COL23A1: variants seen among roughly 807,000 people sequenced by gnomAD.
COL23A1 encodes the protein collagen alpha-1(XXIII) chain.
COL23A1 carries 97 observed loss-of-function variants against 99.3 expected under a neutral mutation model. That is an observed-to-expected ratio of 0.98 (90% CI 0.83 to 1.16). COL23A1 has a LOEUF of 1.16. COL23A1 is among the 50% of genes most tolerant of loss of function. COL23A1 has a pLI of 0.00. For missense variants in COL23A1, 762 were observed against 757.4 expected, an observed-to-expected ratio of 1.01 and a Z score of -0.07; for synonymous variants, 320 against 308.2, an observed-to-expected ratio of 1.04 and a Z score of -0.40.
intron 2 of COL23A1, among the ~76,000 whole-genome samples, chr5:178,550,975 T>C (rs1761966640): frequency 6.6e-6 from 1 of 152,040 alleles, no homozygotes; most frequent in Non-Finnish European, 1.5e-5. Context: ...AGAATCTTCA[T>C]CATCTCCCCA....
At chr5:178,520,747 G>A (rs1371890019) in intron 2 of COL23A1, among the ~76,000 whole-genome samples, 1 of 152,192 alleles carries the variant, frequency 6.6e-6, no homozygotes, top group Non-Finnish European at 1.5e-5. Context: ...TACCATGCTG[G>A]TGAGGATTCA....
intron 2 of COL23A1, among the ~76,000 whole-genome samples, chr5:178,357,936 ATGTATGTGTG>A (rs1761804036): frequency 8.6e-6 from 1 of 116,472 alleles, no homozygotes; most frequent in Admixed American, 9.0e-5. Context: ...GTGTATGTGT[ATGTATGTGTG>A]TGTATGTATA....
At chr5:178,532,322 C>A (rs182493081) in intron 2 of COL23A1, among the ~76,000 whole-genome samples, 22 of 152,260 alleles carry the variant, frequency 1.4e-4, no homozygotes, top group African/African-American at 5.1e-4. Flanking sequence ...TGGCTGAAAA[C>A]CTGGGGATGG....
intron 19 of COL23A1, among the ~76,000 whole-genome samples, chr5:178,248,505 A>C (rs1764837417): frequency 6.6e-6 from 1 of 152,172 alleles, no homozygotes; most frequent in Non-Finnish European, 1.5e-5. Context: ...GGGGCTGTGA[A>C]GCAAAGACCC....
chr5:178,422,235 G>A (rs572232575), intron 2 of COL23A1, among the ~76,000 whole-genome samples: 1 of 152,282 alleles, frequency 6.6e-6, no homozygotes, highest in Admixed American at 6.5e-5. Flanking sequence ...GGAACATGCT[G>A]TCTGAAGGGA....
At chr5:178,410,452 C>T (rs1382119248) in intron 2 of COL23A1, among the ~76,000 whole-genome samples, 9 of 152,200 alleles carry the variant, frequency 5.9e-5, no homozygotes, top group Non-Finnish European at 1.3e-4. Context: ...GGAAGACTCA[C>T]ACTTAACCAA....
chr5:178,489,743 G>A (rs75280958), intron 2 of COL23A1, among the ~76,000 whole-genome samples: 202 of 152,282 alleles, frequency 1.3e-3, no homozygotes, highest in East Asian at 4.6e-3. Context: ...ACCTCACCAC[G>A]GGATGCAGCA....
intron 2 of COL23A1, among the ~76,000 whole-genome samples, chr5:178,348,926 C>T (rs1581198305): frequency 1.3e-5 from 2 of 152,170 alleles, no homozygotes; most frequent in South Asian, 2.1e-4. Flanking sequence ...CTCCCCCACC[C>T]GCGTCAGCAG....
At chr5:178,473,359 A>G (rs1756860839) in intron 2 of COL23A1, among the ~76,000 whole-genome samples, 1 of 151,930 alleles carries the variant, frequency 6.6e-6, no homozygotes, top group Middle Eastern at 3.4e-3. Flanking sequence ...CAGTGGCACA[A>G]TCACAGCTCA....
chr5:178,358,573 G>T (rs1761969547), intron 2 of COL23A1, among the ~76,000 whole-genome samples: 1 of 149,126 alleles, frequency 6.7e-6, no homozygotes, highest in Admixed American at 6.7e-5. Flanking sequence ...TATGTCTAAT[G>T]TGTATGTGTA....
At chr5:178,363,703 C>T (rs1370761888) in intron 2 of COL23A1, among the ~76,000 whole-genome samples, 1 of 152,250 alleles carries the variant, frequency 6.6e-6, no homozygotes, top group Non-Finnish European at 1.5e-5. Context: ...TCCCCACCGG[C>T]TGTGGGTGTC....
At chr5:178,358,481 A>G (rs1761948258) in intron 2 of COL23A1, among the ~76,000 whole-genome samples, 2 of 134,252 alleles carry the variant, frequency 1.5e-5, no homozygotes, top group South Asian at 4.9e-4. Context: ...GCGTATGCGT[A>G]TATATGTGTG....
intron 2 of COL23A1, among the ~76,000 whole-genome samples, chr5:178,513,457 T>A (rs1031758055): frequency 6.6e-6 from 1 of 152,160 alleles, no homozygotes; most frequent in Non-Finnish European, 1.5e-5. Context: ...CACAGATGTA[T>A]TATCTTAGAG....
At chr5:178,349,012 A>G (rs548032880) in intron 2 of COL23A1, among the ~76,000 whole-genome samples, 42 of 152,076 alleles carry the variant, frequency 2.8e-4, no homozygotes, top group African/African-American at 9.2e-4. Context: ...GCTCTGCTCA[A>G]CTTAACACAG....
rs1488353370 is a variant in COL23A1, at chr5:178,307,079, G to A, written c.362-160C>T. The A allele has an allele frequency of 2.9e-5, 15 of 519,516 alleles. No homozygotes were observed. In the South Asian group the frequency reaches 4.7e-4, roughly 16 times the overall value. The allele number at this position is 519,516 out of a possible 1,614,324, so 32.2% of individuals were successfully genotyped here. A position where few individuals can be genotyped will look rare whatever the true frequency, so the allele number is the denominator to read the frequency against. ...CTGTGGAGGGGGAGATGCGTGGGGA[G>A]AAACCCCTTCCTTCTGCCACTACCT... On this transcript the variant is annotated intron_variant, in intron 2 of 28. Transcript: ENST00000390654. This position sits in a 1 kb window ranked among gnomAD's most constrained non-coding sequence, Gnocchi z 4.2.
intron 2 of COL23A1, among the ~76,000 whole-genome samples, chr5:178,377,441 C>T (rs569285427): frequency 7.9e-5 from 12 of 152,356 alleles, no homozygotes; most frequent in South Asian, 2.1e-4. Flanking sequence ...CCAAGGCATT[C>T]GGCAGTCAGT....
intron 2 of COL23A1, among the ~76,000 whole-genome samples, chr5:178,507,708 T>C (rs1306508348): frequency 1.3e-5 from 2 of 152,248 alleles, no homozygotes; most frequent in Non-Finnish European, 2.9e-5. Context: ...GACATTGCTG[T>C]CTCCCCATAA....
intron 2 of COL23A1, among the ~76,000 whole-genome samples, chr5:178,478,220 G>A (rs1757135254): frequency 6.6e-6 from 1 of 152,218 alleles, no homozygotes; most frequent in Non-Finnish European, 1.5e-5. Flanking sequence ...TGTGAGATGG[G>A]AAGATGCCAT....
In COL23A1 at chr5:178,567,663, G is replaced by A. The variant is rs545391512; in HGVS notation, c.295-6915C>T. The stretch of plus-strand genomic sequence containing the variant: ...GAAGCTGAGGCACAAACTGGGAGAC[G>A]GAGGTTGCAGTGAGCAGAGATTGTG... On this transcript the variant is annotated intron_variant, in intron 1 of 28. Transcript: ENST00000390654. 3.3e-5 allele frequency among the ~76,000 whole-genome samples: 5 copies of A among 152,272 alleles called. No homozygotes were observed. In the South Asian group the frequency reaches 6.2e-4, roughly 19 times the overall value.
Sources: allele counts gnomAD v4.1 joint callset (sites outside exome capture counted in the v4.1 genomes callset), GRCh38; gene constraint gnomAD v4.1.1; non-coding constraint Gnocchi (gnomAD v3.1); transcripts MANE v1.5; gene names NCBI Gene and HGNC (gene_info 2026-07-23, HGNC 2026-07-21).